PDS5A: variants seen among roughly 807,000 people sequenced by gnomAD.
PDS5A encodes PDS5 cohesin associated factor A.
Under a neutral mutation model 167.1 loss-of-function variants are expected in PDS5A, and 42 were observed. The observed-to-expected ratio is 0.25, with a 90% CI of 0.20 to 0.33. The LOEUF is 0.33. PDS5A is among the 10% of genes least tolerant of loss of function. The probability of loss-of-function intolerance (pLI) is 1.00; values close to 1 mark genes in which losing one functional copy is unlikely to be tolerated. For synonymous variants in PDS5A, 553 were observed against 554.6 expected, an observed-to-expected ratio of 1.00 and a Z score of 0.04; for missense variants, 1,033 against 1,605.9, an observed-to-expected ratio of 0.64 and a Z score of 6.10.
At chr4:39,946,845 G>A (rs1048604475) in intron 2 of PDS5A, among the ~76,000 whole-genome samples, 3 of 152,146 alleles carry the variant, frequency 2.0e-5, no homozygotes, top group African/African-American at 7.2e-5. Context: ...CCCAGGAGGT[G>A]TGGATTGCAG....
Position 39,906,917 on chromosome 4 carries a change from T to TAAAAAAA in PDS5A, c.1233+1471_1233+1477dup, listed in dbSNP as rs1191690836. 6.9e-4 allele frequency among the ~76,000 whole-genome samples: 37 copies of TAAAAAAA among 53,826 alleles called. 1 individual carries two copies. The highest frequency in any genetic ancestry group is 1.5e-3 in the African/African-American group (24 of 16,144). 35.3% of individuals were successfully genotyped at this position (53,826 alleles called of 152,430 possible). ...CAAAAGCCTTTTGAGATTTCTTACA[T>TAAAAAAA]AAAAAAAAAAAAAAAAAAAAAAAAA... On this transcript the variant is annotated intron_variant, in intron 11 of 32. Coordinates refer to ENST00000303538, the MANE Select transcript of PDS5A (RefSeq NM_001100399.2).
Position 39,844,606 on chromosome 4 carries a change from T to G in PDS5A, c.3548+50A>C, listed in dbSNP as rs371170532. Reference sequence around the variant, plus strand: ...GAGACAGCACTTTAGGAATAAAAGATAAACCAAGTAGTGAGTGCTAGTAAC... The same window carrying G: ...GAGACAGCACTTTAGGAATAAAAGAGAAACCAAGTAGTGAGTGCTAGTAAC... On this transcript the variant is annotated intron_variant, in intron 30 of 32. Transcript: ENST00000303538. 21 of 1,473,396 alleles carry G rather than the reference T, an allele frequency of 1.4e-5. No individual in the cohort carries two copies. The African/African-American group carries it at 2.3e-4, about 16-fold the overall frequency. 91.3% of individuals were successfully genotyped at this position (1,473,396 alleles called of 1,614,324 possible). A position where few individuals can be genotyped will look rare whatever the true frequency, so the allele number is the denominator to read the frequency against.
At chr4:39,963,512 A>G (rs796839038) in intron 2 of PDS5A, among the ~76,000 whole-genome samples, 2 of 151,886 alleles carry the variant, frequency 1.3e-5, no homozygotes, top group Admixed American at 6.6e-5. Context: ...CACTCTCAAA[A>G]TAATAATAAT....
chr4:39,930,246 A>AAAG, intron 2 of PDS5A, among the ~76,000 whole-genome samples: 5 of 93,084 alleles, frequency 5.4e-5, no homozygotes, highest in Non-Finnish European at 9.0e-5. Context: ...AAAAAAAAAA[A>AAAG]GTTTTTTTGT....
At chr4:39,883,192 AAAAG>A (rs1721110263) in intron 17 of PDS5A, among the ~76,000 whole-genome samples, 1 of 151,938 alleles carries the variant, frequency 6.6e-6, no homozygotes, top group African/African-American at 2.4e-5. Context: ...TTTTTTTAAA[AAAAG>A]AAGAAGATGG....
chr4:39,944,895 C>A (rs1172116967), intron 2 of PDS5A, among the ~76,000 whole-genome samples: 2 of 151,970 alleles, frequency 1.3e-5, no homozygotes, highest in Non-Finnish European at 2.9e-5. Flanking sequence ...ATCCTCTATT[C>A]TTTTTTTCTT....
At position 39,976,489 on chromosome 4, in the gene PDS5A, T is replaced by A. The variant is rs764315855; in HGVS notation, c.89A>T (p.Lys30Ile). ...DGKIAYPPGV[K>I]EITDKITTDE... ...CGTGGTGATCTTGTCGGTGATCTCT[T>A]TTACCCCCGGAGGGTAAGCGATCTT... The change falls in exon 2 of 33, where the codon AAA (lysine) becomes ATA (isoleucine). Residue 30 changes from lysine (K) to isoleucine (I), a missense_variant. Coordinates refer to ENST00000303538, the MANE Select transcript of PDS5A (RefSeq NM_001100399.2). 4 of 1,613,418 alleles carry A rather than the reference T, an allele frequency of 2.5e-6. No individual in the cohort carries two copies. Among genetic ancestry groups the A allele is most frequent in the Non-Finnish European group, 3.4e-6 (4 of 1,179,576 alleles).
intron 31 of PDS5A, among the ~76,000 whole-genome samples, chr4:39,839,837 C>T (rs947688103): frequency 3.3e-5 from 5 of 150,824 alleles, no homozygotes; most frequent in African/African-American, 7.3e-5. Flanking sequence ...ATAGTTGAGC[C>T]GTAATTCCAG....
In PDS5A at chr4:39,845,500, T is replaced by C. The variant is rs530235255; in HGVS notation, c.3402+318A>G. ...CTTACATAGAACATGAATTGTCTAA[T>C]TCATTAGTAGTATAAAATTATTTCT... On this transcript the variant is annotated intron_variant, in intron 29 of 32. Coordinates refer to ENST00000303538, the MANE Select transcript of PDS5A (RefSeq NM_001100399.2). Among the ~76,000 whole-genome samples the C allele has an allele frequency of 1.3e-3, 194 of 152,340 alleles. 1 individual carries two copies. The highest frequency in any genetic ancestry group is 4.4e-3 in the African/African-American group (183 of 41,580).
intron 23 of PDS5A, among the ~76,000 whole-genome samples, chr4:39,864,530 TAGC>T (rs1719264457): frequency 6.6e-6 from 1 of 152,204 alleles, no homozygotes; most frequent in Admixed American, 6.5e-5. Flanking sequence ...ATGTGGAACA[TAGC>T]ATGGCTTTTG....
chr4:39,954,826 C>T (rs982746923), intron 2 of PDS5A, among the ~76,000 whole-genome samples: 3 of 151,920 alleles, frequency 2.0e-5, no homozygotes, highest in Admixed American at 1.3e-4. Flanking sequence ...AGGAGGATCA[C>T]GTGAGTCCAG....
intron 9 of PDS5A, among the ~76,000 whole-genome samples, chr4:39,912,635 A>G (rs557634541): frequency 6.6e-6 from 1 of 152,330 alleles, no homozygotes; most frequent in South Asian, 2.1e-4. Flanking sequence ...CCAACTACTG[A>G]ATCAGTTGAA....
At chr4:39,849,074 G>T in intron 27 of PDS5A, 104 bp from the exon 28 acceptor site, 1 of 795,014 alleles carries the variant, frequency 1.3e-6, no homozygotes, top group Non-Finnish European at 2.0e-6. Context: ...GGATACTGTG[G>T]TTGTTATTTA....
At chr4:39,831,513 A>C (rs1715871558) in intron 32 of PDS5A, among the ~76,000 whole-genome samples, 1 of 152,354 alleles carries the variant, frequency 6.6e-6, no homozygotes, top group Non-Finnish European at 1.5e-5. Context: ...AAAATTTAAA[A>C]TTATGATAAA....
At chr4:39,883,667 A>T (rs1409429998) in intron 17 of PDS5A, among the ~76,000 whole-genome samples, 1 of 151,956 alleles carries the variant, frequency 6.6e-6, no homozygotes, top group Non-Finnish European at 1.5e-5. Context: ...ACACAGTCTC[A>T]TTCTGTTGCC....
At chr4:39,894,425 ATAAG>A (rs1399123155) in intron 16 of PDS5A, among the ~76,000 whole-genome samples, 1 of 152,052 alleles carries the variant, frequency 6.6e-6, no homozygotes, top group African/African-American at 2.4e-5. Context: ...AAAGAAAAAA[ATAAG>A]TAAGTAAATA....
chr4:39,904,165 C>T lies in PDS5A; in HGVS notation c.1260G>A (p.Met420Ile), dbSNP rs1723108088. 2 of 1,608,320 alleles carry T rather than the reference C, an allele frequency of 1.2e-6. No individual in the cohort carries two copies. Among genetic ancestry groups the T allele is most frequent in the South Asian group, 1.1e-5 (1 of 89,646 alleles). Residue 420 changes from methionine to isoleucine, a missense_variant, in exon 12 of 33, where the codon ATG becomes ATA. This residue lies in a region of PDS5A where 388 missense variants were observed against 615.1 expected (regional missense o/e 0.63). Coordinates refer to ENST00000303538, the MANE Select transcript of PDS5A (RefSeq NM_001100399.2). Reference protein sequence around the residue: ...KRWRVRKEAMMGLAQLYKKYC... With the variant: ...KRWRVRKEAMIGLAQLYKKYC... ...ATTTCTTATAAAGCTGAGCCAGACC[C>T]ATCATAGCTTCTTTTCTTACTCGCC...
chr4:39,859,980 T>A (rs1350170055), intron 26 of PDS5A, among the ~76,000 whole-genome samples: 1 of 152,030 alleles, frequency 6.6e-6, no homozygotes, highest in Non-Finnish European at 1.5e-5. Context: ...ATGCCTGTAA[T>A]CCCAGAAATT....
At chr4:39,948,316 T>G (rs1727987535) in intron 2 of PDS5A, among the ~76,000 whole-genome samples, 1 of 75,424 alleles carries the variant, frequency 1.3e-5, no homozygotes, top group South Asian at 5.6e-4. Context: ...TCAAACCTTT[T>G]TTTTTTTTTT....
Sources: gnomAD v4.1 joint callset for allele counts (sites outside exome capture counted in the v4.1 genomes callset) on GRCh38, gnomAD v4.1.1 for gene constraint, gnomAD v4.1.1 regional missense constraint, MANE v1.5 for transcripts, NCBI Gene and HGNC (gene_info 2026-07-23, HGNC 2026-07-21) for gene names.